The following KCTD1 variants were observed in gnomAD, a reference collection of about 807,000 sequenced individuals.
KCTD1 encodes the protein potassium channel tetramerization domain containing 1.
KCTD1 carries 24 observed loss-of-function variants against 66.0 expected under a neutral mutation model. That is an observed-to-expected ratio of 0.36 (90% CI 0.26 to 0.51). The LOEUF (loss-of-function observed/expected upper bound fraction) is 0.51. Ranked by LOEUF, KCTD1 falls within the 20% of genes least tolerant of loss-of-function variation. The pLI, the probability that KCTD1 is intolerant of heterozygous loss-of-function variation, is 0.95. For synonymous variants in KCTD1, 511 were observed against 517.2 expected (o/e 0.99, Z 0.16); for missense variants, 943 against 1,205.2 (o/e 0.78, Z 3.22).
intron 2 of KCTD1, among the ~76,000 whole-genome samples, chr18:26,492,977 A>G (rs1982283465): frequency 6.6e-6 from 1 of 152,176 alleles, no homozygotes; most frequent in African/African-American, 2.4e-5. Flanking sequence ...TCTTTGGAGG[A>G]TCTGGCCTCT....
At chr18:26,621,086 G>A (rs573480350) in intron 1 of KCTD1, among the ~76,000 whole-genome samples, 3 of 152,294 alleles carry the variant, frequency 2.0e-5, no homozygotes, top group Admixed American at 6.5e-5. Context: ...ACCCGCCTCC[G>A]CCTCCCAAAG....
chr18:26,570,382 A>G (rs1986080406), intron 1 of KCTD1, among the ~76,000 whole-genome samples: 1 of 151,910 alleles, frequency 6.6e-6, no homozygotes, highest in East Asian at 1.9e-4. Context: ...AGGATGTTCC[A>G]GTTTTACTAT....
intron 1 of KCTD1, among the ~76,000 whole-genome samples, chr18:26,593,078 T>TC (rs1986646943): frequency 1.3e-5 from 2 of 152,274 alleles, no homozygotes; most frequent in Admixed American, 1.3e-4. Flanking sequence ...CAGTCTCTCG[T>TC]CCCCCTCTGG....
intron 1 of KCTD1, among the ~76,000 whole-genome samples, chr18:26,524,502 C>G (rs576191140): frequency 6.6e-6 from 1 of 152,120 alleles, no homozygotes; most frequent in Non-Finnish European, 1.5e-5. Context: ...ACATGAGCCC[C>G]CAAAGTCACT....
At chr18:26,503,640 T>G (rs527714581) in intron 1 of KCTD1, among the ~76,000 whole-genome samples, 2 of 152,242 alleles carry the variant, frequency 1.3e-5, no homozygotes, top group Admixed American at 1.3e-4. Flanking sequence ...ATGAACAGAT[T>G]TGCAGGGTTA....
chr18:26,649,276 A>T (rs1296696246), intron 1 of KCTD1, among the ~76,000 whole-genome samples: 4 of 152,168 alleles, frequency 2.6e-5, no homozygotes, highest in Admixed American at 2.6e-4. Context: ...CTGGAGGTTA[A>T]CAGCACTTTC....
intron 1 of KCTD1, among the ~76,000 whole-genome samples, chr18:26,606,997 T>C (rs561934030): frequency 3.1e-4 from 47 of 152,306 alleles, no homozygotes; most frequent in African/African-American, 1.1e-3. Context: ...ACTGGAAAAG[T>C]TTCTTGTCCC....
At chr18:26,546,651 A>G in intron 1 of KCTD1, 77 bp downstream of exon 1, 2 of 1,446,480 alleles carry the variant, frequency 1.4e-6, no homozygotes, top group Admixed American at 2.6e-5. Context: ...CCCCCTACCC[A>G]GAGCTGCATT....
At chr18:26,525,753 G>C (rs1461885362) in intron 1 of KCTD1, among the ~76,000 whole-genome samples, 1 of 152,122 alleles carries the variant, frequency 6.6e-6, no homozygotes, top group Non-Finnish European at 1.5e-5. Context: ...ACAGGGTGTT[G>C]CTCTGTCACC....
chr18:26,474,335 C>A (rs908638855), intron 3 of KCTD1, among the ~76,000 whole-genome samples: 5 of 152,092 alleles, frequency 3.3e-5, no homozygotes, highest in African/African-American at 1.2e-4. Context: ...ATATAAATAT[C>A]TTTACAGATT....
intron 1 of KCTD1, among the ~76,000 whole-genome samples, chr18:26,507,025 G>C (rs1983075369): frequency 1.3e-5 from 2 of 152,168 alleles, no homozygotes; most frequent in Non-Finnish European, 2.9e-5. Context: ...AATTAGCCAG[G>C]TGTGGTGGCA....
At chr18:26,622,605 C>T (rs1394945016) in intron 1 of KCTD1, among the ~76,000 whole-genome samples, 1 of 152,010 alleles carries the variant, frequency 6.6e-6, no homozygotes, top group Non-Finnish European at 1.5e-5. Flanking sequence ...CTGATGAATT[C>T]CATAAAGAAA....
intron 2 of KCTD1, among the ~76,000 whole-genome samples, chr18:26,500,249 C>T (rs1982687024): frequency 6.7e-6 from 1 of 149,630 alleles, no homozygotes; most frequent in Non-Finnish European, 1.5e-5. Flanking sequence ...GACCCTGTCT[C>T]TACAAAAAAT....
At chr18:26,496,066 TATA>T (rs1309228693) in intron 2 of KCTD1, among the ~76,000 whole-genome samples, 2 of 152,192 alleles carry the variant, frequency 1.3e-5, no homozygotes, top group African/African-American at 2.4e-5. Flanking sequence ...AAAGAAGCCA[TATA>T]ATATGGTACC....
intron 1 of KCTD1, among the ~76,000 whole-genome samples, chr18:26,535,988 G>A (rs767336990): frequency 9.6e-3 from 753 of 78,420 alleles, no homozygotes; most frequent in Middle Eastern, 0.021. Flanking sequence ...AAAAAAAAAA[G>A]AAGATTTTTT....
chr18:26,577,914 T>G (rs1050636734), intron 1 of KCTD1, among the ~76,000 whole-genome samples: 12 of 152,248 alleles, frequency 7.9e-5, no homozygotes, highest in African/African-American at 2.9e-4. Flanking sequence ...TACAATGGTG[T>G]CTGTGATCTG....
intron 1 of KCTD1, among the ~76,000 whole-genome samples, chr18:26,592,589 C>T (rs774293904): frequency 1.3e-5 from 2 of 152,220 alleles, no homozygotes; most frequent in Admixed American, 6.5e-5. Flanking sequence ...GCCCATCCAA[C>T]ATGAGCCCTA....
rs1232203413 is a variant in KCTD1, at chr18:26,501,071, C to A, written c.1988+1G>T. On this transcript the variant is annotated splice_donor_variant, in intron 2 of 4. Transcript: ENST00000580059. LOFTEE classifies it high-confidence loss of function. ...TCTGATTTTTCAGTTTTTCAGATTACCTGGATTCAGGGTATTTGGTGAGGG... is the reference window on the plus strand; with the variant it reads ...TCTGATTTTTCAGTTTTTCAGATTAACTGGATTCAGGGTATTTGGTGAGGG... The A allele has an allele frequency of 6.2e-7, 1 of 1,609,978 alleles. No homozygotes were observed. The highest frequency in any genetic ancestry group is 1.7e-5 in the Admixed American group (1 of 59,468).
intron 1 of KCTD1, among the ~76,000 whole-genome samples, chr18:26,648,850 T>C (rs1335709460): frequency 1.3e-5 from 2 of 152,204 alleles, no homozygotes; most frequent in Non-Finnish European, 2.9e-5. Context: ...CATCTCCTCA[T>C]CTAAAACATG....
Sources: gnomAD v4.1 joint callset for allele counts (sites outside exome capture counted in the v4.1 genomes callset) on GRCh38, gnomAD v4.1.1 for gene constraint, MANE v1.5 for transcripts, NCBI Gene and HGNC (gene_info 2026-07-23, HGNC 2026-07-21) for gene names.